The following DLG2 variants were observed in gnomAD, a reference collection of about 807,000 sequenced individuals.
DLG2 encodes the protein discs large MAGUK scaffold protein 2, also known as disks large homolog 2.
In DLG2, 45 loss-of-function variants were observed where a neutral mutation model predicts 132.5. That is an observed-to-expected ratio of 0.34 (90% CI 0.27 to 0.44). DLG2 has a LOEUF of 0.44. DLG2 is among the 20% of genes least tolerant of loss of function. The probability of loss-of-function intolerance (pLI) is 1.00; values close to 1 mark genes in which losing one functional copy is unlikely to be tolerated. For missense variants in DLG2, 1,045 were observed against 1,196.9 expected (o/e 0.87, Z 1.87); for synonymous variants, 424 against 419.6 (o/e 1.01, Z -0.13).
intron 6 of DLG2, among the ~76,000 whole-genome samples, chr11:85,100,454 G>A (rs941003648): frequency 6.6e-6 from 1 of 152,110 alleles, no homozygotes. Flanking sequence ...TCATATGGCT[G>A]GTGAGAAAAA....
intron 6 of DLG2, among the ~76,000 whole-genome samples, chr11:84,771,907 C>T (rs1369846086): frequency 6.6e-6 from 1 of 152,024 alleles, no homozygotes; most frequent in African/African-American, 2.4e-5. Flanking sequence ...AAAGCAGTAG[C>T]ATTTCTAAAC....
At chr11:84,236,843 T>G (rs1225708093) in intron 8 of DLG2, among the ~76,000 whole-genome samples, 4 of 152,198 alleles carry the variant, frequency 2.6e-5, no homozygotes, top group African/African-American at 9.7e-5. Context: ...TTGGAGAGAT[T>G]TTTTAACATC....
intron 7 of DLG2, among the ~76,000 whole-genome samples, chr11:84,515,873 A>T (rs556439451): frequency 6.6e-6 from 1 of 152,036 alleles, no homozygotes; most frequent in South Asian, 2.1e-4. Context: ...AAAGACTAAA[A>T]TCATATCAAG....
intron 6 of DLG2, among the ~76,000 whole-genome samples, chr11:84,783,212 T>A (rs2072148310): frequency 6.6e-6 from 1 of 152,174 alleles, no homozygotes; most frequent in Non-Finnish European, 1.5e-5. Flanking sequence ...ATGATGTGAT[T>A]TGAAGTCGTT....
chr11:85,223,501 G>A (rs935014210), intron 4 of DLG2, among the ~76,000 whole-genome samples: 9 of 151,926 alleles, frequency 5.9e-5, no homozygotes, highest in South Asian at 4.1e-4. Context: ...ATAGCGAGGC[G>A]TGCTGGTGCG....
chr11:85,198,265 C>T (rs1432845823), intron 4 of DLG2, among the ~76,000 whole-genome samples: 1 of 152,100 alleles, frequency 6.6e-6, no homozygotes, highest in Non-Finnish European at 1.5e-5. Flanking sequence ...TATTTCAGAC[C>T]TCTGGCCCTC....
At chr11:84,308,504 C>G (rs7130515) in intron 7 of DLG2, among the ~76,000 whole-genome samples, 1 of 152,194 alleles carries the variant, frequency 6.6e-6, no homozygotes, top group African/African-American at 2.4e-5. Context: ...GGATCCCGCA[C>G]GGGGGCCACA....
At chr11:83,799,291 C>A (rs891178079) in intron 17 of DLG2, among the ~76,000 whole-genome samples, 1 of 152,134 alleles carries the variant, frequency 6.6e-6, no homozygotes, top group African/African-American at 2.4e-5. Context: ...GAAGTTTTGT[C>A]AATAAGTGGC....
At chr11:84,577,812 A>G (rs773449822) in intron 6 of DLG2, among the ~76,000 whole-genome samples, 1 of 152,196 alleles carries the variant, frequency 6.6e-6, no homozygotes, top group Non-Finnish European at 1.5e-5. Flanking sequence ...CCAAGACCAC[A>G]AGGAAAGTGT....
rs532616458 is a variant in DLG2 at position 85,115,285 on chromosome 11, C to T, written c.283-3550G>A. Among the ~76,000 whole-genome samples the T allele has an allele frequency of 5.9e-5, 9 of 151,988 alleles. No individual in the cohort carries two copies. The South Asian group carries it at 1.5e-3, about 24-fold the overall frequency. Reference sequence around the variant, plus strand: ...AAAGCCCCCAACCTTTTAGGAGATACAATACAATGTGCTGAGTTTAAAACA... The same window carrying T: ...AAAGCCCCCAACCTTTTAGGAGATATAATACAATGTGCTGAGTTTAAAACA... On this transcript the variant is annotated intron_variant, in intron 5 of 27. Transcript: ENST00000376104.
chr11:85,340,260 C>A (rs1166932016), intron 3 of DLG2, among the ~76,000 whole-genome samples: 2 of 152,128 alleles, frequency 1.3e-5, no homozygotes, highest in Non-Finnish European at 2.9e-5. Context: ...CAATGATAGA[C>A]TAAATTAAGA....
At chr11:83,582,890 A>T (rs1450566176) in intron 19 of DLG2, among the ~76,000 whole-genome samples, 1 of 152,224 alleles carries the variant, frequency 6.6e-6, no homozygotes, top group Non-Finnish European at 1.5e-5. Flanking sequence ...GTTGCTAAAA[A>T]GTATAACAAC....
chr11:84,710,459 GAA>G (rs1416364240), intron 6 of DLG2, among the ~76,000 whole-genome samples: 1 of 151,858 alleles, frequency 6.6e-6, no homozygotes, highest in Admixed American at 6.6e-5. Context: ...GAGAAAAATC[GAA>G]GTCTCCTACC....
At position 84,412,132 on chromosome 11, in the gene DLG2, A is replaced by G. The variant is rs995808519; in HGVS notation, c.519+122438T>C. Among the ~76,000 whole-genome samples the G allele has an allele frequency of 5.9e-5, 9 of 152,214 alleles. No homozygotes were observed. The South Asian group carries it at 1.9e-3, about 32-fold the overall frequency. On this transcript the variant is annotated intron_variant, in intron 7 of 27. Coordinates refer to ENST00000376104, the MANE Select transcript of DLG2 (RefSeq NM_001142699.3). ...AACAGATGGTAATACTGATAATGGC[A>G]ATAGTGATGGTGATGATGATTATGA...
intron 4 of DLG2, among the ~76,000 whole-genome samples, chr11:85,258,234 C>A (rs768867183): frequency 2.0e-5 from 3 of 152,130 alleles, no homozygotes; most frequent in Non-Finnish European, 4.4e-5. Flanking sequence ...ATTATTTTGA[C>A]TGGCTTATTC....
chr11:84,436,166 C>G (rs1161843283), intron 7 of DLG2, among the ~76,000 whole-genome samples: 1 of 152,076 alleles, frequency 6.6e-6, no homozygotes, highest in Non-Finnish European at 1.5e-5. Context: ...GAGACCAATT[C>G]CAGCCCAATC....
chr11:85,142,644 T>C (rs183028166), intron 5 of DLG2, among the ~76,000 whole-genome samples: 1 of 151,814 alleles, frequency 6.6e-6, no homozygotes, highest in Non-Finnish European at 1.5e-5. Flanking sequence ...TTGTTATATA[T>C]CTTAGAGAAA....
intron 4 of DLG2, among the ~76,000 whole-genome samples, chr11:85,187,196 G>C (rs551254342): frequency 1.3e-5 from 2 of 151,870 alleles, no homozygotes; most frequent in Non-Finnish European, 2.9e-5. Context: ...GAATAAAACC[G>C]GCAATTGCTA....
intron 3 of DLG2, chr11:85,469,685 T>C (rs1424821773): frequency 6.6e-6 from 1 of 152,244 alleles, no homozygotes; most frequent in Non-Finnish European, 1.5e-5. Context: ...TTATTTATGA[T>C]GTGACAGACC....
Sources: gnomAD v4.1 joint callset for allele counts (sites outside exome capture counted in the v4.1 genomes callset) on GRCh38, gnomAD v4.1.1 for gene constraint, MANE v1.5 for transcripts, NCBI Gene and HGNC (gene_info 2026-07-23, HGNC 2026-07-21) for gene names.